Variants in BMPER observed in about 807,000 individuals in gnomAD.
The protein encoded by BMPER is BMP-binding endothelial regulator protein.
BMPER carries 45 observed loss-of-function variants against 87.3 expected under a neutral mutation model. The observed-to-expected ratio is 0.52, with a 90% CI of 0.41 to 0.66. The LOEUF (loss-of-function observed/expected upper bound fraction) is 0.66. Ranked by LOEUF, BMPER falls within the 30% of genes least tolerant of loss-of-function variation. BMPER has a pLI of 0.00. For missense variants in BMPER, 784 were observed against 867.5 expected, an observed-to-expected ratio of 0.90 and a Z score of 1.21; for synonymous variants, 326 against 316.2, an observed-to-expected ratio of 1.03 and a Z score of -0.33.
At chr7:33,921,933 G>A (rs1004307196) in intron 2 of BMPER, 1 of 452,162 alleles carries the variant, frequency 2.2e-6, no homozygotes, top group Non-Finnish European at 4.6e-6. Flanking sequence ...CAACCCCTTC[G>A]ACTCCTCAAA....
intron 6 of BMPER, among the ~76,000 whole-genome samples, chr7:34,004,646 G>A (rs1335363486): frequency 6.6e-6 from 1 of 152,116 alleles, no homozygotes; most frequent in Non-Finnish European, 1.5e-5. Flanking sequence ...TGTATTCTCT[G>A]TCATGTGTGG....
At chr7:34,005,951 A>T (rs893433153) in intron 6 of BMPER, among the ~76,000 whole-genome samples, 1 of 151,990 alleles carries the variant, frequency 6.6e-6, no homozygotes, top group Non-Finnish European at 1.5e-5. Context: ...AGGTCAATGG[A>T]TATTAATATT....
chr7:34,047,876 T>C (rs1413408103), intron 7 of BMPER, among the ~76,000 whole-genome samples: 1 of 136,856 alleles, frequency 7.3e-6, no homozygotes, highest in Non-Finnish European at 1.6e-5. Flanking sequence ...TAGAGGCATC[T>C]CCCCTTAAGT....
intron 2 of BMPER, among the ~76,000 whole-genome samples, chr7:33,920,420 G>GT (rs58577259): frequency 0.26 from 21,951 of 85,842 alleles, 3,524 homozygotes; most frequent in Non-Finnish European, 0.32. Flanking sequence ...ACTCCGTTGT[G>GT]TTTTTTTTTT....
intron 6 of BMPER, among the ~76,000 whole-genome samples, chr7:34,005,050 A>G (rs919947043): frequency 6.6e-6 from 1 of 152,150 alleles, no homozygotes; most frequent in African/African-American, 2.4e-5. Flanking sequence ...AACAATTACC[A>G]CTGATAGTTT....
chr7:34,148,640 G>T (rs1371550001), intron 14 of BMPER, among the ~76,000 whole-genome samples: 1 of 152,054 alleles, frequency 6.6e-6, no homozygotes, highest in Non-Finnish European at 1.5e-5. Context: ...TTCATTTCCT[G>T]CAGTCTACTT....
intron 8 of BMPER, among the ~76,000 whole-genome samples, chr7:34,052,258 G>C (rs1011552251): frequency 6.6e-6 from 1 of 152,176 alleles, no homozygotes; most frequent in African/African-American, 2.4e-5. Flanking sequence ...ACATACGGCT[G>C]TGCCCTCTGG....
At chr7:34,129,656 G>GA (rs1449177809) in intron 13 of BMPER, among the ~76,000 whole-genome samples, 5 of 150,756 alleles carry the variant, frequency 3.3e-5, no homozygotes, top group Admixed American at 1.3e-4. Context: ...AAGAAAGAAA[G>GA]AAAGAAAGAA....
At chr7:33,986,893 T>C (rs998644252) in intron 6 of BMPER, among the ~76,000 whole-genome samples, 2 of 152,160 alleles carry the variant, frequency 1.3e-5, no homozygotes, top group African/African-American at 4.8e-5. Context: ...GTTTGGTACC[T>C]CTGGGCCTGC....
At chr7:34,055,114 G>C in intron 8 of BMPER, 49 bp from the exon 9 acceptor site, 1 of 1,613,472 alleles carries the variant, frequency 6.2e-7, no homozygotes, top group African/African-American at 1.3e-5. Context: ...AGGATGTTTG[G>C]TAGAGGCGAA....
intron 4 of BMPER, 74 bp downstream of exon 4, chr7:33,966,635 A>G (rs1785414022): frequency 2.1e-6 from 3 of 1,444,270 alleles, no homozygotes; most frequent in Non-Finnish European, 9.7e-7. Flanking sequence ...TTCACACAAC[A>G]TAGAACAAAA....
At chr7:33,942,690 G>A (rs1444029946) in intron 3 of BMPER, among the ~76,000 whole-genome samples, 1 of 152,156 alleles carries the variant, frequency 6.6e-6, no homozygotes, top group Non-Finnish European at 1.5e-5. Flanking sequence ...ACCTATCCTG[G>A]TCAATATACT....
chr7:33,958,659 T>G (rs1785202148), intron 3 of BMPER, among the ~76,000 whole-genome samples: 1 of 152,194 alleles, frequency 6.6e-6, no homozygotes, highest in African/African-American at 2.4e-5. Flanking sequence ...GAACATGGCT[T>G]TTAGAGTAAG....
chr7:33,938,165 C>T lies in BMPER; in HGVS notation c.319+777C>T, dbSNP rs548071629. On this transcript the variant is annotated intron_variant, in intron 3 of 14. Coordinates refer to ENST00000649409, the MANE Select transcript of BMPER (RefSeq NM_001365308.1). The stretch of plus-strand genomic sequence containing the variant: ...CGTCAACTCCCTGGGGATTTCACAC[C>T]GTGTATGTGTCAATAGCGCTTCACA... Among the ~76,000 whole-genome samples, 5 of 152,206 alleles carry T rather than the reference C, an allele frequency of 3.3e-5. No individual in the cohort carries two copies. In the South Asian group the frequency reaches 1.0e-3, roughly 32 times the overall value.
intron 6 of BMPER, among the ~76,000 whole-genome samples, chr7:34,026,145 T>C (rs1373092451): frequency 6.6e-6 from 1 of 151,920 alleles, no homozygotes; most frequent in Non-Finnish European, 1.5e-5. Flanking sequence ...ATGATGGTAA[T>C]GGGGTTGAGA....
chr7:34,015,061 A>G (rs1338038057), intron 6 of BMPER, among the ~76,000 whole-genome samples: 2 of 151,932 alleles, frequency 1.3e-5, no homozygotes, highest in African/African-American at 2.4e-5. Flanking sequence ...CATGCTTCTT[A>G]TGTCATGACT....
intron 13 of BMPER, among the ~76,000 whole-genome samples, chr7:34,099,740 A>G (rs1243223386): frequency 2.0e-5 from 3 of 152,010 alleles, no homozygotes; most frequent in African/African-American, 7.3e-5. Flanking sequence ...CTTATAAACT[A>G]TTTCTTTCCT....
chr7:34,063,867 A>G (rs1191708336), intron 11 of BMPER, among the ~76,000 whole-genome samples: 1 of 152,260 alleles, frequency 6.6e-6, no homozygotes, highest in Non-Finnish European at 1.5e-5. Context: ...CAGTTGAAGC[A>G]GAGACAGACC....
chr7:33,905,462 C>T (rs1783784264), upstream of BMPER: 15 of 646,974 alleles, frequency 2.3e-5, no homozygotes, highest in South Asian at 2.4e-4. Flanking sequence ...CTCACACCCC[C>T]CCGCCCCCCA....
Sources: allele counts gnomAD v4.1 joint callset (sites outside exome capture counted in the v4.1 genomes callset), GRCh38; gene constraint gnomAD v4.1.1; transcripts MANE v1.5; gene names NCBI Gene and HGNC (gene_info 2026-07-23, HGNC 2026-07-21).